Variants in HS6ST3 observed in about 807,000 individuals in gnomAD.
HS6ST3 encodes heparan-sulfate 6-O-sulfotransferase 3.
A neutral mutation model predicts 36.7 loss-of-function variants in HS6ST3; 12 were observed. The observed-to-expected ratio is 0.33, with a 90% CI of 0.21 to 0.53. The LOEUF (loss-of-function observed/expected upper bound fraction) is 0.53. Among genes scored for constraint, HS6ST3 ranks in the 20% least tolerant of loss-of-function variants. The probability of loss-of-function intolerance (pLI) is 0.95; values close to 1 mark genes in which losing one functional copy is unlikely to be tolerated. For synonymous variants in HS6ST3, 240 were observed against 257.5 expected (o/e 0.93, Z 0.65); for missense variants, 584 against 640.9 (o/e 0.91, Z 0.96).
intron 1 of HS6ST3, among the ~76,000 whole-genome samples, chr13:96,595,201 G>A (rs1171963394): frequency 3.3e-5 from 5 of 152,048 alleles, no homozygotes; most frequent in African/African-American, 4.8e-5. Context: ...GTGCACCACC[G>A]TGCCTGGCTA....
At position 96,833,241 on chromosome 13, in the gene HS6ST3, C is replaced by T. The variant is rs1252539469; in HGVS notation, c.*43C>T. 4 of 1,423,754 alleles carry T rather than the reference C, an allele frequency of 2.8e-6. No individual in the cohort carries two copies. The highest frequency in any genetic ancestry group is 1.4e-5 in the African/African-American group (1 of 69,766). The allele number at this position is 1,423,754 out of a possible 1,614,324, so 88.2% of individuals were successfully genotyped here. A position where few individuals can be genotyped will look rare whatever the true frequency, so the allele number is the denominator to read the frequency against. On this transcript the variant is annotated 3_prime_UTR_variant, in exon 2 of 2. Transcript: ENST00000376705. ...TCTCAGGAGGGGGAGGGTGAGCAGG[C>T]ACATTGACTTTCTGTTGAGGTACCT...
At chr13:96,124,783 C>T (rs2053942341) in intron 1 of HS6ST3, among the ~76,000 whole-genome samples, 1 of 152,160 alleles carries the variant, frequency 6.6e-6, no homozygotes, top group South Asian at 2.1e-4. Context: ...AAGATTCTTG[C>T]TTTTGATGAT....
intron 1 of HS6ST3, among the ~76,000 whole-genome samples, chr13:96,223,681 T>A (rs2054466836): frequency 6.6e-6 from 1 of 152,196 alleles, no homozygotes; most frequent in South Asian, 2.1e-4. Flanking sequence ...TGTCGTTTTT[T>A]ATTTTCAGGT....
rs189574083 is a variant in HS6ST3 at position 96,434,985 on chromosome 13, T to C, written c.707+343416T>C. On this transcript the variant is annotated intron_variant, in intron 1 of 1. Transcript: ENST00000376705. Reference sequence around the variant, plus strand: ...ACAAAACCATTTTTGTCTGCCTAACTTTAATTTTTTTTTTCCTTTCTCTCT... The same window carrying C: ...ACAAAACCATTTTTGTCTGCCTAACCTTAATTTTTTTTTTCCTTTCTCTCT... Among the ~76,000 whole-genome samples the C allele has an allele frequency of 8.5e-5, 13 of 152,218 alleles. No homozygotes were observed. In the East Asian group the frequency reaches 1.9e-3, roughly 23 times the overall value.
chr13:96,375,600 G>A (rs1412388632), intron 1 of HS6ST3, among the ~76,000 whole-genome samples: 1 of 152,144 alleles, frequency 6.6e-6, no homozygotes, highest in Non-Finnish European at 1.5e-5. Flanking sequence ...GTGTATAGCA[G>A]GGTGCTTATT....
intron 1 of HS6ST3, among the ~76,000 whole-genome samples, chr13:96,151,170 A>C (rs1322765413): frequency 2.6e-5 from 4 of 152,142 alleles, no homozygotes; most frequent in Non-Finnish European, 5.9e-5. Flanking sequence ...TTGGGAAGCC[A>C]AGGTGGGTAG....
chr13:96,104,079 C>T lies in HS6ST3; in HGVS notation c.707+12510C>T, dbSNP rs563114905. Among the ~76,000 whole-genome samples, 191 of 151,528 alleles carry T rather than the reference C, an allele frequency of 1.3e-3. 7 individuals are homozygous for T. In the South Asian group the frequency reaches 0.038, roughly 30 times the overall value. On this transcript the variant is annotated intron_variant, in intron 1 of 1. Coordinates refer to ENST00000376705, the MANE Select transcript of HS6ST3 (RefSeq NM_153456.4). ...AAATTATAGCTACAGGTTAATATGT[C>T]CTGAAAGTGACCTGAGAATGTAATT...
chr13:96,319,746 T>A (rs1376977786), intron 1 of HS6ST3, among the ~76,000 whole-genome samples: 3 of 152,220 alleles, frequency 2.0e-5, no homozygotes, highest in Non-Finnish European at 4.4e-5. Flanking sequence ...TTTAACAAGC[T>A]TGTTATGACT....
At chr13:96,730,801 A>G (rs1876131547) in intron 1 of HS6ST3, among the ~76,000 whole-genome samples, 1 of 152,082 alleles carries the variant, frequency 6.6e-6, no homozygotes, top group South Asian at 2.1e-4. Context: ...GGGCACTATC[A>G]TGGTTCACTG....
intron 1 of HS6ST3, among the ~76,000 whole-genome samples, chr13:96,722,516 T>G (rs1875875751): frequency 1.3e-5 from 2 of 152,212 alleles, no homozygotes; most frequent in Admixed American, 1.3e-4. Context: ...ATTTTCTATT[T>G]TCAACTGTAG....
intron 1 of HS6ST3, among the ~76,000 whole-genome samples, chr13:96,170,899 G>T (rs1275070486): frequency 1.3e-5 from 2 of 152,208 alleles, no homozygotes; most frequent in Non-Finnish European, 2.9e-5. Flanking sequence ...CCAGATCAAG[G>T]GGTTTATATT....
intron 1 of HS6ST3, among the ~76,000 whole-genome samples, chr13:96,674,065 A>G (rs1282971033): frequency 6.6e-6 from 1 of 152,100 alleles, no homozygotes; most frequent in Non-Finnish European, 1.5e-5. Context: ...ATCCCTACCC[A>G]ATCTTGTGTC....
intron 1 of HS6ST3, among the ~76,000 whole-genome samples, chr13:96,277,644 A>G (rs1412109153): frequency 6.6e-6 from 1 of 152,236 alleles, no homozygotes; most frequent in African/African-American, 2.4e-5. Context: ...ATATATCAAC[A>G]TGAAAATGTC....
chr13:96,733,754 C>T (rs967948151), intron 1 of HS6ST3, among the ~76,000 whole-genome samples: 5 of 152,162 alleles, frequency 3.3e-5, no homozygotes, highest in Admixed American at 1.3e-4. Flanking sequence ...ATACCGTGAG[C>T]TCTGGACTTA....
At chr13:96,243,224 C>T (rs114892388) in intron 1 of HS6ST3, among the ~76,000 whole-genome samples, 272 of 152,316 alleles carry the variant, frequency 1.8e-3, no homozygotes, top group African/African-American at 6.1e-3. Context: ...TCATGTATAG[C>T]TAGTGGCTTC....
intron 1 of HS6ST3, among the ~76,000 whole-genome samples, chr13:96,727,019 T>C (rs1876022783): frequency 6.6e-6 from 1 of 152,242 alleles, no homozygotes; most frequent in Non-Finnish European, 1.5e-5. Context: ...ATCCCTTTTG[T>C]CATCTACTTA....
chr13:96,721,690 G>C (rs1301848495), intron 1 of HS6ST3, among the ~76,000 whole-genome samples: 1 of 152,134 alleles, frequency 6.6e-6, no homozygotes, highest in Non-Finnish European at 1.5e-5. Flanking sequence ...CATAGGGCCA[G>C]ATATGTTTCT....
At chr13:96,126,666 C>G (rs1254607800) in intron 1 of HS6ST3, among the ~76,000 whole-genome samples, 1 of 152,126 alleles carries the variant, frequency 6.6e-6, no homozygotes, top group Non-Finnish European at 1.5e-5. Flanking sequence ...GATGTTGGGC[C>G]AGCGGGTTGT....
chr13:96,746,372 CATAAA>C (rs1432913327), intron 1 of HS6ST3, among the ~76,000 whole-genome samples: 2 of 151,908 alleles, frequency 1.3e-5, no homozygotes, highest in Admixed American at 6.6e-5. Context: ...TTAACAAGTA[CATAAA>C]ATAACAGTTA....
Sources: gnomAD v4.1 joint callset for allele counts (sites outside exome capture counted in the v4.1 genomes callset) on GRCh38, gnomAD v4.1.1 for gene constraint, MANE v1.5 for transcripts, NCBI Gene and HGNC (gene_info 2026-07-23, HGNC 2026-07-21) for gene names.